ALK: variants seen among roughly 807,000 people sequenced by gnomAD.
ALK encodes the protein ALK tyrosine kinase receptor.
ALK carries 74 observed loss-of-function variants against 163.1 expected under a neutral mutation model. The observed-to-expected ratio is 0.45, with a 90% CI of 0.38 to 0.55. The LOEUF (loss-of-function observed/expected upper bound fraction) is 0.55. Ranked by LOEUF, ALK falls within the 20% of genes least tolerant of loss-of-function variation. The pLI is 0.00. For synonymous variants in ALK, 960 were observed against 843.2 expected, an observed-to-expected ratio of 1.14 and a Z score of -2.40; for missense variants, 2,063 against 2,105.3, an observed-to-expected ratio of 0.98 and a Z score of 0.39.
At chr2:29,304,946 A>G (rs530034625) in intron 8 of ALK, among the ~76,000 whole-genome samples, 3 of 152,340 alleles carry the variant, frequency 2.0e-5, no homozygotes, top group South Asian at 4.1e-4. Flanking sequence ...TTTCCAGACG[A>G]CTAATGTCTG....
At chr2:29,717,476 G>T in intron 2 of ALK, 102 bp downstream of exon 2, 2 of 1,407,132 alleles carry the variant, frequency 1.4e-6, no homozygotes, top group Non-Finnish European at 2.0e-6. Flanking sequence ...AGGGAGCTGA[G>T]GGAATGCCCT....
intron 1 of ALK, among the ~76,000 whole-genome samples, chr2:29,848,947 T>C (rs1001932180): frequency 1.4e-4 from 22 of 152,156 alleles, no homozygotes; most frequent in African/African-American, 4.8e-4. Flanking sequence ...TTGGCCACAA[T>C]GTACTCCTAG....
intron 3 of ALK, among the ~76,000 whole-genome samples, chr2:29,541,452 A>G (rs1673410327): frequency 6.6e-6 from 1 of 152,036 alleles, no homozygotes. Context: ...TACCACACCC[A>G]GCTAATTTTT....
chr2:29,500,464 A>C (rs1474584890), intron 4 of ALK, among the ~76,000 whole-genome samples: 1 of 152,198 alleles, frequency 6.6e-6, no homozygotes, highest in African/African-American at 2.4e-5. Flanking sequence ...AGCCTGCAGA[A>C]CCATGACCTA....
chr2:29,693,890 G>T (rs1167358034), intron 3 of ALK, among the ~76,000 whole-genome samples: 1 of 152,186 alleles, frequency 6.6e-6, no homozygotes, highest in Non-Finnish European at 1.5e-5. Context: ...CCCGCTCTGA[G>T]CACTAGTTTT....
At chr2:29,789,854 G>A (rs565977811) in intron 1 of ALK, among the ~76,000 whole-genome samples, 4 of 152,290 alleles carry the variant, frequency 2.6e-5, no homozygotes, top group South Asian at 2.1e-4. Context: ...ACATTTGGCC[G>A]TGGAGAACCT....
Position 29,683,427 on chromosome 2 carries a change from C to T in ALK, c.952+11423G>A, listed in dbSNP as rs138054436. 8.2e-3 allele frequency among the ~76,000 whole-genome samples: 1,250 copies of T among 151,976 alleles called. 15 individuals carry two copies. The highest frequency in any genetic ancestry group is 0.044 in the South Asian group (210 of 4,814). On this transcript the variant is annotated intron_variant, in intron 3 of 28. Coordinates refer to ENST00000389048, the MANE Select transcript of ALK (RefSeq NM_004304.5). ...AAAACAAAAACAAAAAAAATGACTA[C>T]GAATCACCAGTAAGGATCCCAAAGC...
At chr2:29,305,812 C>T (rs1573211794) in intron 8 of ALK, among the ~76,000 whole-genome samples, 1 of 151,764 alleles carries the variant, frequency 6.6e-6, no homozygotes, top group Non-Finnish European at 1.5e-5. Flanking sequence ...GATTCAAGCA[C>T]ATTACATATA....
At chr2:29,662,928 C>T (rs376616783) in intron 3 of ALK, among the ~76,000 whole-genome samples, 4 of 152,026 alleles carry the variant, frequency 2.6e-5, no homozygotes, top group African/African-American at 9.7e-5. Context: ...CTATGTATTG[C>T]TCTCCAGGCC....
At chr2:29,423,131 A>G (rs1670057643) in intron 4 of ALK, among the ~76,000 whole-genome samples, 1 of 152,154 alleles carries the variant, frequency 6.6e-6, no homozygotes, top group South Asian at 2.1e-4. Flanking sequence ...TCAATCATAA[A>G]ACACCTCTTG....
intron 1 of ALK, among the ~76,000 whole-genome samples, chr2:29,829,325 G>A (rs113783336): frequency 1.2e-4 from 17 of 139,266 alleles, no homozygotes; most frequent in East Asian, 1.1e-3. Flanking sequence ...AAAAAAAAAA[G>A]AAAGAAAGAT....
At chr2:29,641,318 G>A (rs1037689082) in intron 3 of ALK, among the ~76,000 whole-genome samples, 5 of 152,064 alleles carry the variant, frequency 3.3e-5, no homozygotes, top group Non-Finnish European at 7.4e-5. Flanking sequence ...TGAGCAGGAG[G>A]TGGGGGCGGC....
intron 24 of ALK, 110 bp downstream of exon 24, chr2:29,213,874 G>A (rs1669528206): frequency 1.1e-6 from 1 of 918,426 alleles, no homozygotes; most frequent in Admixed American, 1.8e-5. Context: ...GGCTCTGGAG[G>A]GAGACCTAGT....
chr2:29,276,652 C>T (rs1665554736), intron 9 of ALK, among the ~76,000 whole-genome samples: 1 of 152,100 alleles, frequency 6.6e-6, no homozygotes, highest in African/African-American at 2.4e-5. Flanking sequence ...AGTCAATGGT[C>T]AAAAATGGAC....
At position 29,238,032 on chromosome 2, in the gene ALK, C is replaced by T. The variant is rs187811016; in HGVS notation, c.2355+1648G>A. 4.6e-5 allele frequency among the ~76,000 whole-genome samples: 7 copies of T among 152,234 alleles called. No homozygotes were observed. In the East Asian group the frequency reaches 1.3e-3, roughly 29 times the overall value. ...AAAGACGGAGGGCTGTGTATGTGCA[C>T]ATGTGCTGTGTTTGGGGGTGGGGTG... On this transcript the variant is annotated intron_variant, in intron 13 of 28. Transcript: ENST00000389048.
At chr2:29,233,507 G>A (rs1334157936) in intron 14 of ALK, 58 bp downstream of exon 14, 3 of 1,612,062 alleles carry the variant, frequency 1.9e-6, no homozygotes, top group African/African-American at 2.7e-5. Flanking sequence ...GCTGTCATGA[G>A]GCTCTGACAT....
chr2:29,739,967 T>A (rs2148323901), intron 1 of ALK, among the ~76,000 whole-genome samples: 1 of 152,244 alleles, frequency 6.6e-6, no homozygotes, highest in East Asian at 1.9e-4. Context: ...CACCTTCCAA[T>A]ACATGTAATG....
chr2:29,796,142 T>G (rs1664304126), intron 1 of ALK, among the ~76,000 whole-genome samples: 3 of 152,128 alleles, frequency 2.0e-5, no homozygotes, highest in Admixed American at 6.6e-5. Flanking sequence ...AATAGATAAA[T>G]AGATAAATAC....
At chr2:29,723,360 T>C (rs1025076727) in intron 1 of ALK, among the ~76,000 whole-genome samples, 1 of 152,184 alleles carries the variant, frequency 6.6e-6, no homozygotes, top group Non-Finnish European at 1.5e-5. Context: ...TCCCTGTCCA[T>C]AGGTCAACTT....
Sources: gnomAD v4.1 joint callset for allele counts (sites outside exome capture counted in the v4.1 genomes callset) on GRCh38, gnomAD v4.1.1 for gene constraint, MANE v1.5 for transcripts, NCBI Gene and HGNC (gene_info 2026-07-23, HGNC 2026-07-21) for gene names.